DPYSL5: variants seen among roughly 807,000 people sequenced by gnomAD.
DPYSL5 encodes the protein dihydropyrimidinase-related protein 5.
Under a neutral mutation model 58.4 loss-of-function variants are expected in DPYSL5, and 9 were observed. The ratio of observed to expected loss-of-function variants is 0.15; its 90% confidence interval spans 0.09 to 0.27. The LOEUF (loss-of-function observed/expected upper bound fraction) is 0.27, where lower values mean the gene tolerates loss of function less well. DPYSL5 is among the 10% of genes least tolerant of loss of function. The probability of loss-of-function intolerance (pLI) is 1.00; values close to 1 mark genes in which losing one functional copy is unlikely to be tolerated. For synonymous variants in DPYSL5, 293 were observed against 301.9 expected (o/e 0.97, Z 0.31); for missense variants, 499 against 770.6 (o/e 0.65, Z 4.17).
At chr2:26,916,764 G>A (rs1031443472) in intron 2 of DPYSL5, among the ~76,000 whole-genome samples, 8 of 152,142 alleles carry the variant, frequency 5.3e-5, no homozygotes, top group African/African-American at 9.7e-5. Flanking sequence ...CATCCGCATC[G>A]AGGAATACTA....
rs1031886074 is a variant in DPYSL5, at chr2:26,877,406, T to C, written c.-4-21090T>C. Among the ~76,000 whole-genome samples the C allele has an allele frequency of 1.3e-5, 2 of 152,204 alleles. No individual in the cohort carries two copies. The highest frequency in any genetic ancestry group is 4.1e-4 in the South Asian group (2 of 4,834). ...ACAATGTGGACACTAAGAGAATACATGTAACTCATGGATGCAGGGGACGCA... is the reference window on the plus strand; with the variant it reads ...ACAATGTGGACACTAAGAGAATACACGTAACTCATGGATGCAGGGGACGCA... On this transcript the variant is annotated intron_variant, in intron 1 of 12. Transcript: ENST00000288699. This position sits in a 1 kb window ranked among gnomAD's most constrained non-coding sequence, Gnocchi z 4.1.
rs1558350919 is a variant in DPYSL5 at position 26,931,634 on chromosome 2, T to G, written c.670-6T>G. ...TTGGTTTCCTCCTGTCCTTTGTTTC[T>G]AACAGCTGGAAGCTGAAGCCACTCA... On this transcript the variant is annotated splice_region_variant and splice_polypyrimidine_tract_variant and intron_variant, in intron 5 of 12. Coordinates refer to ENST00000288699, the MANE Select transcript of DPYSL5 (RefSeq NM_020134.4). 1.2e-6 allele frequency: 2 copies of G among 1,613,942 alleles called. No individual in the cohort carries two copies. Among genetic ancestry groups the G allele is most frequent in the South Asian group, 1.1e-5 (1 of 91,072 alleles).
rs560345847 is a variant in DPYSL5, at chr2:26,945,900, G to A, written c.1610-1010G>A. Among the ~76,000 whole-genome samples, 4 of 152,334 alleles carry A rather than the reference G, an allele frequency of 2.6e-5. No individual in the cohort carries two copies. In the East Asian group the frequency reaches 7.7e-4, roughly 29 times the overall value. The stretch of plus-strand genomic sequence containing the variant: ...CGCCTGCCTGCCCAGGCTCCTGTGT[G>A]CCCTGCTTTGGGCCAGGCGCAGCTT... On this transcript the variant is annotated intron_variant, in intron 12 of 12. Transcript: ENST00000288699.
At chr2:26,895,145 A>G (rs1323437487) in intron 1 of DPYSL5, among the ~76,000 whole-genome samples, 1 of 152,234 alleles carries the variant, frequency 6.6e-6, no homozygotes, top group Non-Finnish European at 1.5e-5. Context: ...ATAGCTATGT[A>G]ATATGTCTTG....
intron 2 of DPYSL5, among the ~76,000 whole-genome samples, chr2:26,914,934 A>G (rs1369107864): frequency 6.6e-6 from 1 of 151,622 alleles, no homozygotes; most frequent in East Asian, 1.9e-4. Flanking sequence ...GGCTTCCATA[A>G]CCCCATACCC....
chr2:26,902,570 C>T (rs546944667), intron 2 of DPYSL5, among the ~76,000 whole-genome samples: 18 of 152,176 alleles, frequency 1.2e-4, no homozygotes, highest in Admixed American at 8.5e-4. Context: ...TTTTAAGGAC[C>T]GCTGTCTAGG....
At position 26,932,188 on chromosome 2, in the gene DPYSL5, AAAG is replaced by A. The variant is rs1558351576; in HGVS notation, c.714+507_714+509del. ...GAAAGAAAGAAAGAAAGAAAGAAAG[AAAG>A]AAAGAAAGAAAGAAAGAAAAGAAAG... On this transcript the variant is annotated intron_variant, in intron 6 of 12. Transcript: ENST00000288699. 3.5e-3 allele frequency among the ~76,000 whole-genome samples: 284 copies of A among 80,368 alleles called. 7 individuals carry two copies. Among genetic ancestry groups the A allele is most frequent in the Non-Finnish European group, 4.6e-3 (169 of 36,718 alleles). The allele number at this position is 80,368 out of a possible 152,430, so 52.7% of individuals were successfully genotyped here.
intron 1 of DPYSL5, among the ~76,000 whole-genome samples, chr2:26,885,496 C>A: frequency 6.6e-6 from 1 of 152,180 alleles, no homozygotes; most frequent in East Asian, 1.9e-4. Context: ...CAGTCCAGCC[C>A]TCCCCCAAAA....
chr2:26,881,428 C>T (rs1663558685), intron 1 of DPYSL5, among the ~76,000 whole-genome samples: 1 of 152,206 alleles, frequency 6.6e-6, no homozygotes, highest in South Asian at 2.1e-4. Flanking sequence ...CACAGTGGCT[C>T]ACCCACCTTG....
chr2:26,886,010 C>G (rs1269124213), intron 1 of DPYSL5, among the ~76,000 whole-genome samples: 1 of 152,152 alleles, frequency 6.6e-6, no homozygotes, highest in Non-Finnish European at 1.5e-5. Context: ...TGGTTTTGGA[C>G]AGGTTGAGTG....
At position 26,898,446 on chromosome 2, in the gene DPYSL5, G is replaced by A. The variant is rs1467382736; in HGVS notation, c.-4-50G>A. 1 of 1,587,882 alleles carries A rather than the reference G, an allele frequency of 6.3e-7. No homozygotes were observed. The highest frequency in any genetic ancestry group is 2.2e-5 in the East Asian group (1 of 44,578). ...GCTTTGATAGGAGGGATGGGAAACT[G>A]GAAACAGTGAGAAGGGACTTTGACC... On this transcript the variant is annotated intron_variant, in intron 1 of 12. Transcript: ENST00000288699. This position sits in a 1 kb window ranked among gnomAD's most constrained non-coding sequence, Gnocchi z 6.1.
At chr2:26,871,271 C>T (rs1363703394) in intron 1 of DPYSL5, among the ~76,000 whole-genome samples, 1 of 152,156 alleles carries the variant, frequency 6.6e-6, no homozygotes, top group African/African-American at 2.4e-5. Flanking sequence ...GAGTTGCTTA[C>T]TTATCCCTTC....
At chr2:26,897,481 G>A (rs1308800253) in intron 1 of DPYSL5, among the ~76,000 whole-genome samples, 4 of 152,116 alleles carry the variant, frequency 2.6e-5, no homozygotes, top group Non-Finnish European at 5.9e-5. Context: ...TTCAAATATT[G>A]AACCAGCCTT....
chr2:26,931,167 A>ATG lies in DPYSL5; in HGVS notation c.670-472_670-471insGT, dbSNP rs1320040908. On this transcript the variant is annotated intron_variant, in intron 5 of 12. Coordinates refer to ENST00000288699, the MANE Select transcript of DPYSL5 (RefSeq NM_020134.4). ...AAAAAAAAAAAATATATATATATATATATGTGTGTGTGTGTGTGTGTGTGT... is the reference window on the plus strand; with the variant it reads ...AAAAAAAAAAAATATATATATATATATGTATGTGTGTGTGTGTGTGTGTGTGT... 7.0e-4 allele frequency among the ~76,000 whole-genome samples: 38 copies of ATG among 54,330 alleles called. 1 individual carries two copies. The highest frequency in any genetic ancestry group is 1.8e-3 in the Admixed American group (6 of 3,350). The allele number at this position is 54,330 out of a possible 152,430, so 35.6% of individuals were successfully genotyped here. A position where few individuals can be genotyped will look rare whatever the true frequency, so the allele number is the denominator to read the frequency against.
At chr2:26,945,117 A>G (rs998302487) in intron 12 of DPYSL5, among the ~76,000 whole-genome samples, 1 of 152,026 alleles carries the variant, frequency 6.6e-6, no homozygotes, top group Non-Finnish European at 1.5e-5. Context: ...GGCTGTGCAC[A>G]CAGTGGGTGC....
At chr2:26,881,907 C>T (rs1001141838) in intron 1 of DPYSL5, among the ~76,000 whole-genome samples, 27 of 151,878 alleles carry the variant, frequency 1.8e-4, no homozygotes, top group African/African-American at 5.6e-4. Context: ...CTGGCTAACA[C>T]GGTGAAACCC....
chr2:26,915,749 G>A (rs1376384062), intron 2 of DPYSL5, among the ~76,000 whole-genome samples: 3 of 152,074 alleles, frequency 2.0e-5, no homozygotes, highest in African/African-American at 7.2e-5. Flanking sequence ...CTGGGATTTT[G>A]GTTTTATTTC....
At chr2:26,883,741 G>A (rs569974472) in intron 1 of DPYSL5, among the ~76,000 whole-genome samples, 1 of 152,226 alleles carries the variant, frequency 6.6e-6, no homozygotes, top group South Asian at 2.1e-4. Context: ...CTCAACTATT[G>A]TTTGCAAGAT....
At chr2:26,864,278 T>G (rs1666088935) in intron 1 of DPYSL5, among the ~76,000 whole-genome samples, 1 of 152,128 alleles carries the variant, frequency 6.6e-6, no homozygotes, top group Admixed American at 6.5e-5. Flanking sequence ...AGTTTAAATG[T>G]TTAGCCCCAC....
Sources: gnomAD v4.1 joint callset for allele counts (sites outside exome capture counted in the v4.1 genomes callset) on GRCh38, gnomAD v4.1.1 for gene constraint, Gnocchi (gnomAD v3.1) non-coding constraint, MANE v1.5 for transcripts, NCBI Gene and HGNC (gene_info 2026-07-23, HGNC 2026-07-21) for gene names.